RNASE1: variants seen among roughly 807,000 people sequenced by gnomAD.
RNASE1 encodes ribonuclease A family member 1, pancreatic, also known as ribonuclease pancreatic.
For synonymous variants in RNASE1, 64 were observed against 78.6 expected (o/e 0.81, Z 0.98); for missense variants, 203 against 201.0 (o/e 1.01, Z -0.06).
Position 20,801,738 on chromosome 14 carries a change from CTGTGA to C in RNASE1, c.326_330del (p.Ile109ArgfsTer29). 6.2e-7 allele frequency: 1 copy of C among 1,614,182 alleles called. No individual in the cohort carries two copies. The highest frequency in any genetic ancestry group is 2.2e-5 in the East Asian group (1 of 44,876). On this transcript the variant is annotated frameshift_variant, in exon 2 of 2. Coordinates refer to ENST00000397967, the MANE Select transcript of RNASE1 (RefSeq NM_002933.5). LOFTEE classifies it low-confidence loss of function (END_TRUNC). ...CTGGAGCCGTTTGTCAGGCGGCAGT[CTGTGA>C]TGTGCATGCTGGAGTTGCTCTTGTA... is the stretch of plus-strand genomic sequence containing the variant.
Position 20,801,818 on chromosome 14 carries a change from T to A in RNASE1, c.251A>T (p.Asn84Ile), listed in dbSNP as rs137913839. ...FVHEPLVDVQ[N>I]VCFQEKVTCK... ...GGTGACCTTTTCCTGGAAACAGACA[T>A]TCTGGACATCTACCAGGGGCTCGTG... Residue 84 changes from asparagine (N) to isoleucine (I), a missense_variant, in exon 2 of 2, where the codon AAT (asparagine) becomes ATT (isoleucine). Physicochemically the swap from Asn to Ile is moderately radical, Grantham distance 149. Transcript: ENST00000397967. 193 of 1,614,184 alleles carry A rather than the reference T, an allele frequency of 1.2e-4. No homozygotes were observed. The African/African-American group carries it at 2.5e-3, about 21-fold the overall frequency.
chr14:20,801,919 G>A lies in RNASE1; in HGVS notation c.150C>T (p.Ser50=). Residue 50 remains serine (S), a synonymous_variant, in exon 2 of 2, where the codon AGC becomes AGT. Coordinates refer to ENST00000397967, the MANE Select transcript of RNASE1 (RefSeq NM_002933.5). ...TCATCATTTGGTTACAGTAGGTGGA[G>A]CTGCTGCTGGGGGAACTGTCTGAGT... ...HMDSDSSPSS[S]STYCNQMMRR... is the part of the protein sequence containing the mutation. The A allele has an allele frequency of 1.2e-6, 2 of 1,614,022 alleles. No individual in the cohort carries two copies. The highest frequency in any genetic ancestry group is 1.7e-6 in the Non-Finnish European group (2 of 1,179,932).
At position 20,801,610 on chromosome 14, in the gene RNASE1, C is replaced by A. The variant is rs147875905; in HGVS notation, c.459G>T (p.Glu153Asp). 386 of 1,612,882 alleles carry A rather than the reference C, an allele frequency of 2.4e-4. No homozygotes were observed. Among genetic ancestry groups the A allele is most frequent in the Non-Finnish European group, 1.7e-4 (196 of 1,179,120 alleles). ...CGCTGCTCTGACCTTAGGTAGAGTCCTCCACAGAAGCATCAAAGTGGACTG... is the reference window on the plus strand; with the variant it reads ...CGCTGCTCTGACCTTAGGTAGAGTCATCCACAGAAGCATCAAAGTGGACTG... ...YVPVHFDASV[E>D]DST The change falls in exon 2 of 2, where the codon GAG becomes GAT. Residue 153 changes from glutamate (E) to aspartate (D), a missense_variant. Glu to Asp is a conservative substitution (Grantham distance 45). Coordinates refer to ENST00000397967, the MANE Select transcript of RNASE1 (RefSeq NM_002933.5).
In RNASE1 at chr14:20,801,692, C is replaced by CG. The variant is rs1879400861; in HGVS notation, c.376dup (p.Arg126ProfsTer14). ...GATGTGTCTCTCCTTCGGGCTGGTC[C>CG]GGTATGCACAGTTGGGGTACCTGGA... On this transcript the variant is annotated frameshift_variant, in exon 2 of 2. Coordinates refer to ENST00000397967, the MANE Select transcript of RNASE1 (RefSeq NM_002933.5). LOFTEE classifies it low-confidence loss of function (END_TRUNC). 1 of 1,613,994 alleles carries CG rather than the reference C, an allele frequency of 6.2e-7. No individual in the cohort carries two copies. Among genetic ancestry groups the CG allele is most frequent in the African/African-American group, 1.3e-5 (1 of 74,892 alleles).
At position 20,801,716 on chromosome 14, in the gene RNASE1, G is replaced by A; in HGVS notation, c.353C>T (p.Ser118Phe). ...CCGGTATGCACAGTTGGGGTACCTG[G>A]AGCCGTTTGTCAGGCGGCAGTCTGT... is the stretch of plus-strand genomic sequence containing the variant. ...HITDCRLTNG[S>F]RYPNCAYRTS... Residue 118 changes from serine to phenylalanine, a missense_variant, in exon 2 of 2, where the codon TCC becomes TTC. Coordinates refer to ENST00000397967, the MANE Select transcript of RNASE1 (RefSeq NM_002933.5). 3 of 1,614,168 alleles carry A rather than the reference G, an allele frequency of 1.9e-6. No homozygotes were observed. The highest frequency in any genetic ancestry group is 1.7e-6 in the Non-Finnish European group (2 of 1,180,034).
Position 20,801,490 on chromosome 14 carries a change from T to C in RNASE1, c.*108A>G, listed in dbSNP as rs1879383439. On this transcript the variant is annotated 3_prime_UTR_variant, in exon 2 of 2. Coordinates refer to ENST00000397967, the MANE Select transcript of RNASE1 (RefSeq NM_002933.5). ...GAAAGGGAAGCATGTGTGTGTTGAA[T>C]AGGAGCCCTAACTGTAGTTACTTCT... The C allele has an allele frequency of 1.3e-5, 12 of 922,320 alleles. No homozygotes were observed. In the South Asian group the frequency reaches 1.7e-4, roughly 13 times the overall value. 57.1% of individuals were successfully genotyped at this position (922,320 alleles called of 1,614,324 possible). A position where few individuals can be genotyped will look rare whatever the true frequency, so the allele number is the denominator to read the frequency against.
chr14:20,802,044 G>A lies in RNASE1; in HGVS notation c.25C>T (p.Arg9Trp), dbSNP rs1246738481. Residue 9 changes from arginine to tryptophan, a missense_variant, in exon 2 of 2, where the codon CGG becomes TGG. Physicochemically the swap from Arg to Trp is moderately radical, Grantham distance 101. Coordinates refer to ENST00000397967, the MANE Select transcript of RNASE1 (RefSeq NM_002933.5). ...AGTATCAGGACAAGCAGAAGGAGCCGGACAAGAGACTTCTCCAGAGCCATG... is the reference window on the plus strand; with the variant it reads ...AGTATCAGGACAAGCAGAAGGAGCCAGACAAGAGACTTCTCCAGAGCCATG... MALEKSLV[R>W]LLLLVLILLV... 6.9e-6 allele frequency: 11 copies of A among 1,601,780 alleles called. No homozygotes were observed. Among genetic ancestry groups the A allele is most frequent in the South Asian group, 4.4e-5 (4 of 90,834 alleles).
At position 20,801,453 on chromosome 14, in the gene RNASE1, G is replaced by T; in HGVS notation, c.*145C>A. The T allele has an allele frequency of 1.4e-6, 1 of 701,882 alleles. No individual in the cohort carries two copies. The allele number at this position is 701,882 out of a possible 1,614,324, so 43.5% of individuals were successfully genotyped here. On this transcript the variant is annotated 3_prime_UTR_variant, in exon 2 of 2. Transcript: ENST00000397967. ...CTCTTCACCCCCAAAATCACGCAGG[G>T]ATGGGACTCAGGAAAGGGAAGCATG...
Position 20,801,335 on chromosome 14 carries a change from T to C in RNASE1, c.*263A>G. On this transcript the variant is annotated 3_prime_UTR_variant, in exon 2 of 2. Transcript: ENST00000397967. ...GGAAGGCAATGCCAGAAACAGTACC[T>C]AGACAGAACCGCTTCAGAAATCAGG... is the stretch of plus-strand genomic sequence containing the variant. 1.9e-6 allele frequency: 1 copy of C among 513,090 alleles called. No homozygotes were observed. 31.8% of individuals were successfully genotyped at this position (513,090 alleles called of 1,614,324 possible).
In RNASE1 at chr14:20,801,621, C is replaced by T. The variant is rs1286891536; in HGVS notation, c.448G>A (p.Ala150Thr). ...GSPYVPVHFD[A>T]SVEDST ...CCTTAGGTAGAGTCCTCCACAGAAG[C>T]ATCAAAGTGGACTGGCACATATGGG... The change falls in exon 2 of 2, where the codon GCT (alanine) becomes ACT (threonine). Residue 150 changes from alanine (A) to threonine (T), a missense_variant. Ala to Thr is a moderately conservative substitution (Grantham distance 58). Coordinates refer to ENST00000397967, the MANE Select transcript of RNASE1 (RefSeq NM_002933.5). 1 of 1,613,898 alleles carries T rather than the reference C, an allele frequency of 6.2e-7. No individual in the cohort carries two copies. The highest frequency in any genetic ancestry group is 8.5e-7 in the Non-Finnish European group (1 of 1,179,830).
rs145424082 is a variant in RNASE1 at position 20,801,693 on chromosome 14, G to A, written c.376C>T (p.Arg126Trp). The A allele has an allele frequency of 7.3e-4, 1,171 of 1,614,024 alleles. 1 individual carries two copies. Among genetic ancestry groups the A allele is most frequent in the Non-Finnish European group, 9.5e-4 (1,121 of 1,180,040 alleles). The part of the protein sequence containing the change: ...NGSRYPNCAY[R>W]TSPKERHIIV... ...ATGTGTCTCTCCTTCGGGCTGGTCCGGTATGCACAGTTGGGGTACCTGGAG... is the reference window on the plus strand; with the variant it reads ...ATGTGTCTCTCCTTCGGGCTGGTCCAGTATGCACAGTTGGGGTACCTGGAG... Residue 126 changes from arginine (R) to tryptophan (W), a missense_variant, in exon 2 of 2, where the codon CGG (arginine) becomes TGG (tryptophan). Coordinates refer to ENST00000397967, the MANE Select transcript of RNASE1 (RefSeq NM_002933.5).
chr14:20,801,632 A>C lies in RNASE1; in HGVS notation c.437T>G (p.Val146Gly). ...VACEGSPYVP[V>G]HFDASVEDST ...GTCCTCCACAGAAGCATCAAAGTGGACTGGCACATATGGGCTCCCTTCACA... is the reference window on the plus strand; with the variant it reads ...GTCCTCCACAGAAGCATCAAAGTGGCCTGGCACATATGGGCTCCCTTCACA... Residue 146 changes from valine (V) to glycine (G), a missense_variant, in exon 2 of 2, where the codon GTC becomes GGC. Physicochemically the swap from Val to Gly is moderately radical, Grantham distance 109 (BLOSUM62 -3). Coordinates refer to ENST00000397967, the MANE Select transcript of RNASE1 (RefSeq NM_002933.5). 1 of 1,614,050 alleles carries C rather than the reference A, an allele frequency of 6.2e-7. No homozygotes were observed. The highest frequency in any genetic ancestry group is 8.5e-7 in the Non-Finnish European group (1 of 1,179,966).
At chr14:20,802,167 C>G in intron 1 of RNASE1, 74 bp from the exon 2 acceptor site, 1 of 920,954 alleles carries the variant, frequency 1.1e-6, no homozygotes, top group East Asian at 2.6e-5. Context: ...TATGGCTTGC[C>G]TGGTTTACAC....
rs757016129 is a variant in RNASE1, at chr14:20,801,890, C to T, written c.179G>A (p.Arg60His). The change falls in exon 2 of 2, where the codon CGC becomes CAC. Residue 60 changes from arginine to histidine, a missense_variant. By Grantham distance (29) the Arg-to-His change is conservative. Transcript: ENST00000397967. Reference sequence around the variant, plus strand: ...GCACCGCCCCTGTGTCATATTCCGGCGCCTCATCATTTGGTTACAGTAGGT... The same window carrying T: ...GCACCGCCCCTGTGTCATATTCCGGTGCCTCATCATTTGGTTACAGTAGGT... ...SSTYCNQMMRRRNMTQGRCKP... is the reference protein window; with the variant it reads ...SSTYCNQMMRHRNMTQGRCKP... 6.8e-6 allele frequency: 11 copies of T among 1,613,960 alleles called. No individual in the cohort carries two copies. The highest frequency in any genetic ancestry group is 6.7e-5 in the East Asian group (3 of 44,878).
chr14:20,802,029 C>G lies in RNASE1; in HGVS notation c.40G>C (p.Val14Leu). The G allele has an allele frequency of 6.2e-7, 1 of 1,605,674 alleles. No individual in the cohort carries two copies. Among genetic ancestry groups the G allele is most frequent in the East Asian group, 2.2e-5 (1 of 44,852 alleles). Residue 14 changes from valine to leucine, a missense_variant, in exon 2 of 2, where the codon GTC becomes CTC. Coordinates refer to ENST00000397967, the MANE Select transcript of RNASE1 (RefSeq NM_002933.5). Reference protein sequence around the residue: ...EKSLVRLLLLVLILLVLGWVQ... With the variant: ...EKSLVRLLLLLLILLVLGWVQ... ...CAGCCCAGCACCAGCAGTATCAGGA[C>G]AAGCAGAAGGAGCCGGACAAGAGAC...
chr14:20,802,118 G>T, intron 1 of RNASE1, 25 bp from the exon 2 acceptor site: 1 of 1,386,132 alleles, frequency 7.2e-7, no homozygotes, highest in South Asian at 1.4e-5. Flanking sequence ...GAGAGAGAAG[G>T]AAAAGAGCCC....
rs1037658510 is a variant in RNASE1 at position 20,802,099 on chromosome 14, T to G, written c.-25-6A>C. 1 of 1,507,398 alleles carries G rather than the reference T, an allele frequency of 6.6e-7. No individual in the cohort carries two copies. The highest frequency in any genetic ancestry group is 8.9e-7 in the Non-Finnish European group (1 of 1,125,690). The allele number at this position is 1,507,398 out of a possible 1,614,324, so 93.4% of individuals were successfully genotyped here. A position where few individuals can be genotyped will look rare whatever the true frequency, so the allele number is the denominator to read the frequency against. ...CCTCACTTTCCCAGAAAAGCCTAATTGAGAAAAGGAGAGAGAAGGAAAAGA... is the reference window on the plus strand; with the variant it reads ...CCTCACTTTCCCAGAAAAGCCTAATGGAGAAAAGGAGAGAGAAGGAAAAGA... On this transcript the variant is annotated splice_region_variant and splice_polypyrimidine_tract_variant and intron_variant, in intron 1 of 1. Transcript: ENST00000397967.
chr14:20,802,027 G>A lies in RNASE1; in HGVS notation c.42C>T (p.Val14=). 1 of 1,606,132 alleles carries A rather than the reference G, an allele frequency of 6.2e-7. No individual in the cohort carries two copies. Among genetic ancestry groups the A allele is most frequent in the South Asian group, 1.1e-5 (1 of 91,052 alleles). ...EKSLVRLLLL[V]LILLVLGWVQ... ...CCCAGCCCAGCACCAGCAGTATCAG[G>A]ACAAGCAGAAGGAGCCGGACAAGAG... Residue 14 remains valine, a synonymous_variant, in exon 2 of 2, where the codon GTC becomes GTT. Transcript: ENST00000397967.
chr14:20,801,563 G>GCT lies in RNASE1; in HGVS notation c.*34_*35insAG, dbSNP rs1566374281. On this transcript the variant is annotated 3_prime_UTR_variant, in exon 2 of 2. Coordinates refer to ENST00000397967, the MANE Select transcript of RNASE1 (RefSeq NM_002933.5). ...GAAGAGGCAGCTGTGGAGAGGATGA[G>GCT]GTTGAGGGAGGTGGGGTATCTCGCT... is the stretch of plus-strand genomic sequence containing the variant. 1.9e-6 allele frequency: 3 copies of GCT among 1,560,240 alleles called. No individual in the cohort carries two copies. The highest frequency in any genetic ancestry group is 1.4e-5 in the African/African-American group (1 of 74,020).
Sources: allele counts gnomAD v4.1 joint callset, GRCh38; gene constraint gnomAD v4.1.1; transcripts MANE v1.5; gene names NCBI Gene and HGNC (gene_info 2026-07-23, HGNC 2026-07-21).